The following DGKB variants were observed in gnomAD, a reference collection of about 807,000 sequenced individuals.
DGKB encodes diacylglycerol kinase beta, also known as 90 kDa diacylglycerol kinase.
A neutral mutation model predicts 114.3 loss-of-function variants in DGKB; 67 were observed. That is an observed-to-expected ratio of 0.59 (90% CI 0.48 to 0.72). DGKB has a LOEUF of 0.72. Among genes scored for constraint, DGKB ranks in the 30% least tolerant of loss-of-function variants. The probability of loss-of-function intolerance (pLI) is 0.00; values close to 1 mark genes in which losing one functional copy is unlikely to be tolerated. For synonymous variants in DGKB, 398 were observed against 323.1 expected (o/e 1.23, Z -2.49); for missense variants, 907 against 975.2 (o/e 0.93, Z 0.93).
intron 4 of DGKB, among the ~76,000 whole-genome samples, chr7:14,753,521 A>C (rs1308798115): frequency 6.6e-6 from 1 of 152,210 alleles, no homozygotes; most frequent in Non-Finnish European, 1.5e-5. Context: ...AAAACAAAAC[A>C]AAACAAAACA....
chr7:14,158,397 G>A (rs1241720296), intron 25 of DGKB, among the ~76,000 whole-genome samples: 3 of 152,282 alleles, frequency 2.0e-5, no homozygotes, highest in Admixed American at 6.5e-5. Context: ...AAAAATTAAT[G>A]TGGGGCATTT....
chr7:14,415,807 AATG>A lies in DGKB; in HGVS notation c.1835+62351_1835+62353del, dbSNP rs1825635919. Among the ~76,000 whole-genome samples the A allele has an allele frequency of 2.6e-5, 4 of 152,092 alleles. 1 individual carries two copies. In the South Asian group the frequency reaches 8.3e-4, roughly 32 times the overall value. ...ACCCAGTAATGGGATGGCTGGGTCA[AATG>A]ATATTTCTAGTTCTAGATCCCTGAG... is the stretch of plus-strand genomic sequence containing the variant. On this transcript the variant is annotated intron_variant, in intron 21 of 25. Coordinates refer to ENST00000402815, the MANE Select transcript of DGKB (RefSeq NM_001350709.2).
At chr7:14,954,624 A>T (rs1467446840) in intron 1 of DGKB, among the ~76,000 whole-genome samples, 5 of 152,052 alleles carry the variant, frequency 3.3e-5, no homozygotes, top group Non-Finnish European at 7.4e-5. Context: ...GGGGTTACAA[A>T]TATGGTGGCA....
intron 21 of DGKB, among the ~76,000 whole-genome samples, chr7:14,452,295 G>T (rs2128843859): frequency 6.6e-6 from 1 of 152,070 alleles, no homozygotes; most frequent in South Asian, 2.1e-4. Context: ...AGGTTTCTCA[G>T]AATGTAAAAC....
At chr7:14,919,714 G>A (rs1477726512) in intron 1 of DGKB, among the ~76,000 whole-genome samples, 1 of 152,194 alleles carries the variant, frequency 6.6e-6, no homozygotes, top group Admixed American at 6.5e-5. Context: ...AGTGTTGGAG[G>A]TGGGGCATAG....
At chr7:14,810,242 G>C (rs1464858007) in intron 2 of DGKB, among the ~76,000 whole-genome samples, 1 of 152,132 alleles carries the variant, frequency 6.6e-6, no homozygotes, top group East Asian at 1.9e-4. Context: ...ACAATGATTT[G>C]GAAACAAGTG....
intron 4 of DGKB, among the ~76,000 whole-genome samples, chr7:14,737,798 G>C (rs914664177): frequency 1.3e-5 from 2 of 150,768 alleles, no homozygotes; most frequent in African/African-American, 2.4e-5. Context: ...CACCACCATA[G>C]AATATTGTCA....
chr7:14,389,288 T>C (rs1446216413), intron 21 of DGKB, among the ~76,000 whole-genome samples: 1 of 152,222 alleles, frequency 6.6e-6, no homozygotes, highest in Non-Finnish European at 1.5e-5. Flanking sequence ...AAATGCTCCA[T>C]GTGAGCCTTG....
At chr7:14,639,405 G>C (rs895613911) in intron 13 of DGKB, among the ~76,000 whole-genome samples, 2 of 152,204 alleles carry the variant, frequency 1.3e-5, no homozygotes, top group Non-Finnish European at 2.9e-5. Context: ...TACTTGGAAA[G>C]GGTTTCCAGT....
intron 20 of DGKB, among the ~76,000 whole-genome samples, chr7:14,508,371 T>G (rs940325476): frequency 3.3e-5 from 5 of 152,334 alleles, no homozygotes; most frequent in African/African-American, 1.2e-4. Flanking sequence ...GTACCTGATT[T>G]GAAGATCTTT....
intron 8 of DGKB, among the ~76,000 whole-genome samples, chr7:14,695,215 T>C (rs1306481631): frequency 6.6e-6 from 1 of 152,170 alleles, no homozygotes; most frequent in East Asian, 1.9e-4. Context: ...CTCTTGCCTC[T>C]CAAGAGCTTG....
At chr7:14,324,447 A>AC (rs1808377977) in intron 23 of DGKB, among the ~76,000 whole-genome samples, 1 of 12,036 alleles carries the variant, frequency 8.3e-5, no homozygotes, top group African/African-American at 1.4e-4. Flanking sequence ...ACTCTGTCTC[A>AC]AAAAAAAAAA....
intron 23 of DGKB, among the ~76,000 whole-genome samples, chr7:14,319,821 A>T (rs1345615822): frequency 6.6e-6 from 1 of 152,228 alleles, no homozygotes; most frequent in African/African-American, 2.4e-5. Context: ...TGTATTTTAT[A>T]CTTACAGCAC....
chr7:14,653,209 T>A (rs1456858761), intron 13 of DGKB, among the ~76,000 whole-genome samples: 20 of 149,298 alleles, frequency 1.3e-4, no homozygotes. Context: ...TGCACACGTA[T>A]GTTTATTGCG....
At chr7:14,970,381 A>G (rs1017494868) in intron 1 of DGKB, among the ~76,000 whole-genome samples, 1 of 152,092 alleles carries the variant, frequency 6.6e-6, no homozygotes, top group African/African-American at 2.4e-5. Context: ...CAGAAGTGAC[A>G]AGTGCTATAA....
intron 1 of DGKB, among the ~76,000 whole-genome samples, chr7:14,954,599 T>A (rs1786394196): frequency 1.3e-5 from 2 of 151,924 alleles, no homozygotes; most frequent in Admixed American, 6.6e-5. Context: ...GCAAGTGTGA[T>A]TTTTTTGGGG....
chr7:14,613,566 CGTGTGTGTGCGTGTGTAT>C, intron 15 of DGKB, among the ~76,000 whole-genome samples, 153 bp from the exon 16 acceptor site: 1 of 128,048 alleles, frequency 7.8e-6, no homozygotes, highest in East Asian at 4.2e-4. Context: ...TGAGTGTGTG[CGTGTGTGTGCGTGTGTAT>C]GTGTGTGTGG....
At chr7:14,235,173 A>T (rs537669953) in intron 23 of DGKB, among the ~76,000 whole-genome samples, 1 of 152,184 alleles carries the variant, frequency 6.6e-6, no homozygotes, top group South Asian at 2.1e-4. Flanking sequence ...GAGACCACAG[A>T]GGTTAGCTGA....
chr7:14,465,315 C>T (rs916403672), intron 21 of DGKB, among the ~76,000 whole-genome samples: 1 of 150,828 alleles, frequency 6.6e-6, no homozygotes, highest in Non-Finnish European at 1.5e-5. Flanking sequence ...TCAAGCTATA[C>T]AAAATAACGA....
Sources: gnomAD v4.1 joint callset for allele counts (sites outside exome capture counted in the v4.1 genomes callset) on GRCh38, gnomAD v4.1.1 for gene constraint, MANE v1.5 for transcripts, NCBI Gene and HGNC (gene_info 2026-07-23, HGNC 2026-07-21) for gene names.